The following GREB1 variants were observed in gnomAD, a reference collection of about 807,000 sequenced individuals.
The protein encoded by GREB1 is growth regulating estrogen receptor binding 1.
GREB1 carries 106 observed loss-of-function variants against 200.7 expected under a neutral mutation model. The observed-to-expected ratio is 0.53, with a 90% CI of 0.45 to 0.62. The LOEUF is 0.62. Among genes scored for constraint, GREB1 ranks in the 20% least tolerant of loss-of-function variants. The pLI is 0.00. For synonymous variants in GREB1, 1,132 were observed against 1,092.4 expected, an observed-to-expected ratio of 1.04 and a Z score of -0.72; for missense variants, 2,243 against 2,556.8, an observed-to-expected ratio of 0.88 and a Z score of 2.65.
intron 4 of GREB1, among the ~76,000 whole-genome samples, chr2:11,572,617 C>CTA (rs760875104): frequency 9.9e-5 from 15 of 152,162 alleles, no homozygotes; most frequent in Admixed American, 3.9e-4. Context: ...TTGTGGGGGG[C>CTA]TATATATTTG....
At chr2:11,635,483 A>G in intron 30 of GREB1, 78 bp downstream of exon 30, 1 of 1,496,792 alleles carries the variant, frequency 6.7e-7, no homozygotes, top group Non-Finnish European at 9.0e-7. Context: ...GGTAGGAGCC[A>G]TTGAGGGAGG....
Position 11,558,816 on chromosome 2 carries a change from G to A in GREB1, c.157+2045G>A, listed in dbSNP as rs141340186. 1.6e-3 allele frequency among the ~76,000 whole-genome samples: 248 copies of A among 152,198 alleles called. 1 individual carries two copies. Among genetic ancestry groups the A allele is most frequent in the African/African-American group, 5.7e-3 (235 of 41,530 alleles). On this transcript the variant is annotated intron_variant, in intron 2 of 32. Transcript: ENST00000381486. The stretch of plus-strand genomic sequence containing the variant: ...CAATGACATTAAAGATGGTTTTTAT[G>A]ACCAGGGTGCTGGTATACTGAACAC...
intron 1 of GREB1, among the ~76,000 whole-genome samples, chr2:11,547,895 CT>C (rs1675437170): frequency 6.6e-6 from 1 of 152,144 alleles, no homozygotes; most frequent in Non-Finnish European, 1.5e-5. Context: ...CAAGAACACA[CT>C]GTTAGCTGGG....
intron 19 of GREB1, among the ~76,000 whole-genome samples, chr2:11,614,459 G>A (rs1215661803): frequency 6.6e-6 from 1 of 151,988 alleles, no homozygotes; most frequent in African/African-American, 2.4e-5. Context: ...CCATCTTTCA[G>A]ATGAAAAAAT....
chr2:11,596,335 C>CATGG (rs1009095937), intron 13 of GREB1, 96 bp downstream of exon 13: 7 of 1,032,704 alleles, frequency 6.8e-6, no homozygotes, highest in African/African-American at 3.5e-5. Context: ...TGAGAGGGGC[C>CATGG]ATGGCGCAAG....
chr2:11,638,055 T>C, intron 31 of GREB1, 139 bp downstream of exon 31: 1 of 738,168 alleles, frequency 1.4e-6, no homozygotes, highest in South Asian at 1.7e-5. Context: ...GTTTTGCCAT[T>C]CAGCTGAGAG....
chr2:11,578,320 GCCAGTACTTGTT>G lies in GREB1; in HGVS notation c.667_678del (p.Thr223_Ser226del). The G allele has an allele frequency of 6.2e-7, 1 of 1,613,960 alleles. No individual in the cohort carries two copies. Among genetic ancestry groups the G allele is most frequent in the Non-Finnish European group, 8.5e-7 (1 of 1,179,898 alleles). On this transcript the variant is annotated inframe_deletion, in exon 6 of 33. Transcript: ENST00000381486. ...AGAGTTTAGAAGCCGGCAGATCCCCGCCAGTACTTGTTCCAGTTCCCTCTTCCCAGCCCTGGA... is the reference window on the plus strand; with the variant it reads ...AGAGTTTAGAAGCCGGCAGATCCCCGCCAGTTCCCTCTTCCCAGCCCTGGA...
rs1675499810 is a variant in GREB1, at chr2:11,548,357, AAC to A, written c.-161-8093_-161-8092del. ...ACACGTGCACACATGCATATACCCC[AAC>A]ACAGATGCACACACATACACACACC... On this transcript the variant is annotated intron_variant, in intron 1 of 32. Transcript: ENST00000381486. The surrounding 1 kb of genome is among the most constrained non-coding windows in gnomAD (Gnocchi z 5.1). Among the ~76,000 whole-genome samples, 3 of 144,994 alleles carry A rather than the reference AAC, an allele frequency of 2.1e-5. No individual in the cohort carries two copies. In the South Asian group the frequency reaches 6.3e-4, roughly 30 times the overall value.
rs765993777 is a variant in GREB1, at chr2:11,585,791, G to T, written c.1045G>T (p.Val349Phe). ...ESAGMSCVPQ[V>F]GLVGPASVTF... ...CGCAGGCATGTCCTGCGTGCCGCAG[G>T]TTGGCTTGGTGGGACCAGCTTCAGT... Residue 349 changes from valine to phenylalanine, a missense_variant, in exon 9 of 33, where the codon GTT (valine) becomes TTT (phenylalanine). By Grantham distance (50) the Val-to-Phe change is conservative (BLOSUM62 -1). This residue lies in a region of GREB1 where 1,178 missense variants were observed against 1,387.4 expected (regional missense o/e 0.85). Coordinates refer to ENST00000381486, the MANE Select transcript of GREB1 (RefSeq NM_014668.4). 52 of 1,613,570 alleles carry T rather than the reference G, an allele frequency of 3.2e-5. 1 individual carries two copies. The East Asian group carries it at 1.1e-3, about 34-fold the overall frequency.
chr2:11,544,479 G>A (rs1675068087), intron 1 of GREB1, among the ~76,000 whole-genome samples: 1 of 152,150 alleles, frequency 6.6e-6, no homozygotes, highest in South Asian at 2.1e-4. Context: ...GCCTCCCAAA[G>A]TGCTGGGATT....
chr2:11,594,684 G>A (rs1681043737), intron 11 of GREB1, among the ~76,000 whole-genome samples: 2 of 89,402 alleles, frequency 2.2e-5, no homozygotes, highest in Admixed American at 2.1e-4. Flanking sequence ...CCCATTCTGT[G>A]TTTTTTGTTG....
chr2:11,496,065 T>C (rs937681592), intron 1 of GREB1, among the ~76,000 whole-genome samples: 1 of 152,124 alleles, frequency 6.6e-6, no homozygotes, highest in African/African-American at 2.4e-5. Flanking sequence ...CTGGCTCTCC[T>C]TATCCGTGGC....
rs1008661730 is a variant in GREB1, at chr2:11,554,769, T to G, written c.-161-1685T>G. Among the ~76,000 whole-genome samples the G allele has an allele frequency of 2.6e-5, 4 of 152,374 alleles. No homozygotes were observed. The East Asian group carries it at 5.8e-4, about 22-fold the overall frequency. ...TCATCCCTTGTAGAGTTTACGAATG[T>G]CTTTTCTCATATCTGTAAAACTCCA... On this transcript the variant is annotated intron_variant, in intron 1 of 32. Coordinates refer to ENST00000381486, the MANE Select transcript of GREB1 (RefSeq NM_014668.4).
intron 21 of GREB1, among the ~76,000 whole-genome samples, chr2:11,617,055 G>C (rs1683470535): frequency 1.3e-5 from 2 of 152,192 alleles, no homozygotes; most frequent in African/African-American, 4.8e-5. Flanking sequence ...TGCCGTTGTT[G>C]GTTTGGGAAA....
intron 1 of GREB1, among the ~76,000 whole-genome samples, chr2:11,491,892 G>A (rs555525530): frequency 2.6e-5 from 4 of 152,274 alleles, no homozygotes; most frequent in Admixed American, 6.5e-5. Flanking sequence ...TCTGTGCTCA[G>A]TTCTGCGAAT....
rs199967226 is a variant in GREB1 at position 11,548,310 on chromosome 2, GCACACA to G, written c.-161-8140_-161-8135del. 0.014 allele frequency among the ~76,000 whole-genome samples: 2,048 copies of G among 150,782 alleles called. 24 individuals carry two copies. Among genetic ancestry groups the G allele is most frequent in the Middle Eastern group, 0.034 (10 of 292 alleles). On this transcript the variant is annotated intron_variant, in intron 1 of 32. Transcript: ENST00000381486. This position sits in a 1 kb window ranked among gnomAD's most constrained non-coding sequence, Gnocchi z 5.1. ...CACACACGTGCACATACCCACATAT[GCACACA>G]CACGCACACACCCAGACACGTGCAC...
chr2:11,505,882 G>A (rs562310985), intron 1 of GREB1, among the ~76,000 whole-genome samples: 2 of 152,202 alleles, frequency 1.3e-5, no homozygotes, highest in East Asian at 1.9e-4. Flanking sequence ...ACTTGTAAAC[G>A]GACTTTGGAA....
At chr2:11,527,133 G>T (rs1417629926) in intron 1 of GREB1, among the ~76,000 whole-genome samples, 1 of 152,248 alleles carries the variant, frequency 6.6e-6, no homozygotes, top group East Asian at 1.9e-4. Context: ...GAGCCATGTA[G>T]TGTACTACTA....
intron 1 of GREB1, among the ~76,000 whole-genome samples, chr2:11,490,548 G>A (rs1672754805): frequency 6.6e-6 from 1 of 152,124 alleles, no homozygotes; most frequent in African/African-American, 2.4e-5. Flanking sequence ...ATGGAAATGT[G>A]TTTGTCTTTT....
Sources: gnomAD v4.1 joint callset for allele counts (sites outside exome capture counted in the v4.1 genomes callset) on GRCh38, gnomAD v4.1.1 for gene constraint, gnomAD v4.1.1 regional missense constraint, Gnocchi (gnomAD v3.1) non-coding constraint, MANE v1.5 for transcripts, NCBI Gene and HGNC (gene_info 2026-07-23, HGNC 2026-07-21) for gene names.